Variants in LRRIQ1 observed in about 807,000 individuals in gnomAD.
LRRIQ1 encodes leucine-rich repeat- and IQ domain-containing protein 1.
LRRIQ1 carries 210 observed loss-of-function variants against 211.9 expected under a neutral mutation model. That is an observed-to-expected ratio of 0.99 (90% CI 0.89 to 1.11). LRRIQ1 has a LOEUF of 1.11. LRRIQ1 is among the 50% of genes most tolerant of loss of function. The probability of loss-of-function intolerance (pLI) is 0.00; values close to 1 mark genes in which losing one functional copy is unlikely to be tolerated. For synonymous variants in LRRIQ1, 699 were observed against 650.1 expected (o/e 1.08, Z -1.14); for missense variants, 2,136 against 1,939.5 (o/e 1.10, Z -1.90).
In LRRIQ1 at chr12:85,139,697, T is replaced by C. The variant is rs73381624; in HGVS notation, c.4329+1728T>C. ...AATAAGACTATGAAGATGAAGGTGTTGTAGAGACAGAACACTATTGCTCAC... is the reference window on the plus strand; with the variant it reads ...AATAAGACTATGAAGATGAAGGTGTCGTAGAGACAGAACACTATTGCTCAC... On this transcript the variant is annotated intron_variant, in intron 19 of 26. Transcript: ENST00000393217. 1.4e-3 allele frequency among the ~76,000 whole-genome samples: 216 copies of C among 151,544 alleles called. 2 individuals are homozygous for C. Among genetic ancestry groups the C allele is most frequent in the African/African-American group, 5.2e-3 (214 of 41,498 alleles).
chr12:85,107,207 C>G (rs937188000), intron 15 of LRRIQ1, among the ~76,000 whole-genome samples: 3 of 152,020 alleles, frequency 2.0e-5, no homozygotes, highest in African/African-American at 7.2e-5. Flanking sequence ...AATTGACCAC[C>G]ATCTTTTTTC....
intron 24 of LRRIQ1, among the ~76,000 whole-genome samples, chr12:85,207,191 A>G (rs192675451): frequency 1.3e-5 from 2 of 152,206 alleles, no homozygotes; most frequent in East Asian, 3.9e-4. Flanking sequence ...CCCAGTACAC[A>G]GTAGCCTTGT....
chr12:85,090,659 T>TGGA (rs1258862757), intron 11 of LRRIQ1, among the ~76,000 whole-genome samples: 1 of 152,240 alleles, frequency 6.6e-6, no homozygotes, highest in African/African-American at 2.4e-5. Context: ...TTGTAGTGTT[T>TGGA]ACCCAGTTCT....
At position 85,244,894 on chromosome 12, in the gene LRRIQ1, T is replaced by A. The variant is rs968150493; in HGVS notation, c.5122T>A (p.Ser1708Thr). 4 of 1,611,400 alleles carry A rather than the reference T, an allele frequency of 2.5e-6. No homozygotes were observed. The East Asian group carries it at 8.9e-5, about 36-fold the overall frequency. Residue 1708 changes from serine to threonine, a missense_variant, in exon 27 of 27, where the codon TCA becomes ACA. Coordinates refer to ENST00000393217, the MANE Select transcript of LRRIQ1 (RefSeq NM_001079910.2). ...AAAAAAAAATCAGGCACACAGACAC[T>A]CAGCAGGATCTTCAAGTAAGTTGTG... ...REKKNQAHRHSAGSSSKLWFP... is the reference protein window; with the variant it reads ...REKKNQAHRHTAGSSSKLWFP...
intron 26 of LRRIQ1, among the ~76,000 whole-genome samples, chr12:85,236,282 CTCTT>C (rs1272827758): frequency 5.9e-5 from 9 of 152,170 alleles, no homozygotes; most frequent in South Asian, 2.1e-4. Flanking sequence ...AATTAAATAT[CTCTT>C]TCTATTAAGG....
chr12:85,178,153 G>A (rs1891807995), intron 24 of LRRIQ1, among the ~76,000 whole-genome samples: 1 of 151,344 alleles, frequency 6.6e-6, no homozygotes, highest in South Asian at 2.1e-4. Context: ...CCTTTTTATG[G>A]CTAAAATTTT....
intron 18 of LRRIQ1, among the ~76,000 whole-genome samples, chr12:85,134,741 A>G (rs1290178140): frequency 1.3e-5 from 2 of 152,038 alleles, no homozygotes; most frequent in Non-Finnish European, 2.9e-5. Flanking sequence ...TAAGTGCACT[A>G]TCTGTGACTT....
intron 8 of LRRIQ1, 24 bp downstream of exon 8, chr12:85,057,208 T>C: frequency 7.4e-7 from 1 of 1,358,462 alleles, no homozygotes; most frequent in Non-Finnish European, 9.8e-7. Flanking sequence ...TATAATAATT[T>C]TTCACATTTA....
At chr12:85,261,476 T>C (rs1334001450) in intron 1 of LRRIQ1, among the ~76,000 whole-genome samples, 2 of 152,152 alleles carry the variant, frequency 1.3e-5, no homozygotes, top group Non-Finnish European at 2.9e-5. Context: ...TAATGTTTGC[T>C]GACTCTTCTA....
chr12:85,172,794 A>G (rs1229305136), intron 24 of LRRIQ1, among the ~76,000 whole-genome samples: 1 of 152,100 alleles, frequency 6.6e-6, no homozygotes, highest in Non-Finnish European at 1.5e-5. Context: ...CCCTCTTGAT[A>G]TGAGATGAAG....
chr12:85,132,292 A>G (rs1475762777), intron 18 of LRRIQ1, among the ~76,000 whole-genome samples: 1 of 152,132 alleles, frequency 6.6e-6, no homozygotes. Flanking sequence ...TCAGGAAAAA[A>G]GATAATCAAG....
chr12:85,086,182 T>G (rs1271201933), intron 11 of LRRIQ1, among the ~76,000 whole-genome samples: 1 of 152,204 alleles, frequency 6.6e-6, no homozygotes, highest in Non-Finnish European at 1.5e-5. Context: ...TCTCTAATGA[T>G]AAGTGACGCA....
At chr12:85,097,276 C>T (rs1885961061) in intron 11 of LRRIQ1, among the ~76,000 whole-genome samples, 1 of 152,114 alleles carries the variant, frequency 6.6e-6, no homozygotes, top group African/African-American at 2.4e-5. Context: ...AACTTAGAAT[C>T]ATGACAGAAG....
intron 13 of LRRIQ1, among the ~76,000 whole-genome samples, chr12:85,103,540 C>T (rs897152779): frequency 4.0e-5 from 6 of 151,550 alleles, no homozygotes; most frequent in Non-Finnish European, 8.9e-5. Flanking sequence ...GTAATTTCTC[C>T]TGTTGAAAAG....
chr12:85,064,800 A>G (rs1882255159), intron 8 of LRRIQ1, among the ~76,000 whole-genome samples: 1 of 151,708 alleles, frequency 6.6e-6, no homozygotes, highest in Admixed American at 6.6e-5. Flanking sequence ...TCTCCAATGT[A>G]TGTTCTTGGC....
At chr12:85,185,593 A>T (rs570440703) in intron 24 of LRRIQ1, among the ~76,000 whole-genome samples, 1 of 152,124 alleles carries the variant, frequency 6.6e-6, no homozygotes, top group East Asian at 1.9e-4. Context: ...TTATTAAATT[A>T]ACAGCCTAGA....
chr12:85,171,610 C>T (rs1451858491), intron 24 of LRRIQ1, among the ~76,000 whole-genome samples: 2 of 152,124 alleles, frequency 1.3e-5, no homozygotes, highest in South Asian at 2.1e-4. Flanking sequence ...GAGTTGTGTC[C>T]TTCAAAAATT....
At chr12:85,240,544 T>C (rs1895413598) in intron 26 of LRRIQ1, among the ~76,000 whole-genome samples, 2 of 152,122 alleles carry the variant, frequency 1.3e-5, no homozygotes, top group South Asian at 2.1e-4. Context: ...CAAAAAACTG[T>C]ACATAAACTT....
intron 18 of LRRIQ1, 62 bp from the exon 19 acceptor site, chr12:85,137,787 CA>C (rs1445545259): frequency 7.2e-7 from 1 of 1,384,710 alleles, no homozygotes; most frequent in African/African-American, 1.5e-5. Context: ...TGGGATAACA[CA>C]GATAATCTGG....
Sources: allele counts gnomAD v4.1 joint callset (sites outside exome capture counted in the v4.1 genomes callset), GRCh38; gene constraint gnomAD v4.1.1; transcripts MANE v1.5; gene names NCBI Gene and HGNC (gene_info 2026-07-23, HGNC 2026-07-21).